CRACD: variants seen among roughly 807,000 people sequenced by gnomAD.
CRACD encodes the protein capping protein inhibiting regulator of actin dynamics, also known as capping protein-inhibiting regulator of actin dynamics.
Under a neutral mutation model 106.8 loss-of-function variants are expected in CRACD, and 56 were observed. The observed-to-expected ratio is 0.52, with a 90% CI of 0.42 to 0.66. The LOEUF is 0.66. CRACD is among the 30% of genes least tolerant of loss of function. The pLI is 0.00. For synonymous variants in CRACD, 754 were observed against 670.8 expected (o/e 1.12, Z -1.92); for missense variants, 1,730 against 1,623.2 (o/e 1.07, Z -1.13).
At position 56,314,157 on chromosome 4, in the gene CRACD, G is replaced by C. The variant is rs1183078360; in HGVS notation, c.655G>C (p.Glu219Gln). 1.2e-6 allele frequency: 2 copies of C among 1,614,064 alleles called. No homozygotes were observed. The highest frequency in any genetic ancestry group is 1.7e-5 in the Admixed American group (1 of 59,996). ...GGAACCCAATCCGCTGGATTCCGAG[G>C]AAGAGAGAAGACGCCAAGAAGACTA... ...EEEPNPLDSE[E>Q]ERRRQEDYWR... Residue 219 changes from glutamate to glutamine, a missense_variant, in exon 8 of 11, where the codon GAA becomes CAA. Physicochemically the swap from Glu to Gln is conservative, Grantham distance 29. Transcript: ENST00000682029. This position sits in a 1 kb window ranked among gnomAD's most constrained non-coding sequence, Gnocchi z 4.4.
chr4:56,212,821 A>G (rs1738476395), intron 2 of CRACD, among the ~76,000 whole-genome samples: 1 of 152,184 alleles, frequency 6.6e-6, no homozygotes, highest in Admixed American at 6.6e-5. Context: ...ACCCAGTTAG[A>G]TATCTAAGGC....
intron 3 of CRACD, among the ~76,000 whole-genome samples, chr4:56,291,215 C>T (rs1237138655): frequency 6.6e-6 from 1 of 152,182 alleles, no homozygotes; most frequent in Admixed American, 6.5e-5. Context: ...TGAAAGGCCC[C>T]TCTCTCTTGG....
chr4:56,220,673 G>C (rs1180758375), intron 2 of CRACD, among the ~76,000 whole-genome samples: 1 of 151,988 alleles, frequency 6.6e-6, no homozygotes, highest in Non-Finnish European at 1.5e-5. Flanking sequence ...TTTGGGGAAG[G>C]GGTTGGGTTG....
At chr4:56,190,449 G>T (rs991488303) in intron 2 of CRACD, among the ~76,000 whole-genome samples, 2 of 152,172 alleles carry the variant, frequency 1.3e-5, no homozygotes, top group Non-Finnish European at 2.9e-5. Context: ...GTGTAAAAGT[G>T]TTCCTATTTC....
chr4:56,212,759 G>A (rs370342351), intron 2 of CRACD, among the ~76,000 whole-genome samples: 30 of 152,276 alleles, frequency 2.0e-4, no homozygotes, highest in Middle Eastern at 6.8e-3. Context: ...GATTTCCAAA[G>A]CCTAAGTTTG....
rs1289425296 is a variant in CRACD at position 56,163,240 on chromosome 4, A to G, written c.-335-16044A>G. The stretch of plus-strand genomic sequence containing the variant: ...AGAGTAAGACATTTAACCTCTGACA[A>G]TGACTCAATTTTAAAGCTATAAATA... On this transcript the variant is annotated intron_variant, in intron 1 of 10. Transcript: ENST00000682029. Among the ~76,000 whole-genome samples, 5 of 152,182 alleles carry G rather than the reference A, an allele frequency of 3.3e-5. No individual in the cohort carries two copies. In the East Asian group the frequency reaches 5.8e-4, roughly 18 times the overall value.
intron 1 of CRACD, among the ~76,000 whole-genome samples, chr4:56,171,062 AAG>A (rs1199960948): frequency 2.0e-5 from 3 of 152,166 alleles, no homozygotes; most frequent in African/African-American, 7.2e-5. Flanking sequence ...CATTCAAAGA[AAG>A]AAACAAATAA....
intron 1 of CRACD, among the ~76,000 whole-genome samples, chr4:56,092,735 G>A (rs1029106531): frequency 1.3e-5 from 2 of 152,008 alleles, no homozygotes; most frequent in African/African-American, 4.8e-5. Flanking sequence ...CCCGGTAGCT[G>A]AGACTACAGA....
rs544615298 is a variant in CRACD at position 56,249,500 on chromosome 4, G to A, written c.-188-22821G>A. On this transcript the variant is annotated intron_variant, in intron 2 of 10. Coordinates refer to ENST00000682029, the MANE Select transcript of CRACD (RefSeq NM_001393381.1). ...GCCCTTTGTCAGATGAGTAGGTTGC[G>A]AAAATTTTCTCCCATTTTGTAGGTT... is the stretch of plus-strand genomic sequence containing the variant. 1.3e-4 allele frequency among the ~76,000 whole-genome samples: 19 copies of A among 151,712 alleles called. No homozygotes were observed. The East Asian group carries it at 3.1e-3, about 25-fold the overall frequency.
At chr4:56,277,596 G>C (rs1316312196) in intron 3 of CRACD, among the ~76,000 whole-genome samples, 1 of 152,092 alleles carries the variant, frequency 6.6e-6, no homozygotes, top group Admixed American at 6.6e-5. Context: ...CAAAACAAGG[G>C]TTTCTTATCT....
chr4:56,246,313 G>A (rs924998263), intron 2 of CRACD, among the ~76,000 whole-genome samples: 1 of 152,066 alleles, frequency 6.6e-6, no homozygotes, highest in Admixed American at 6.6e-5. Flanking sequence ...ATATCTTCAC[G>A]TGGGGCCTTA....
chr4:56,100,910 C>A (rs1461643324), intron 1 of CRACD, among the ~76,000 whole-genome samples: 1 of 152,128 alleles, frequency 6.6e-6, no homozygotes, highest in Non-Finnish European at 1.5e-5. Context: ...AGAATGAAAA[C>A]AAGATTTTAG....
At chr4:56,120,193 A>G (rs1410027628) in intron 1 of CRACD, among the ~76,000 whole-genome samples, 1 of 152,192 alleles carries the variant, frequency 6.6e-6, no homozygotes, top group Non-Finnish European at 1.5e-5. Context: ...TTGGGAGCTT[A>G]CTTTGAACTG....
intron 1 of CRACD, among the ~76,000 whole-genome samples, chr4:56,057,145 T>C (rs1023153748): frequency 6.6e-6 from 1 of 152,222 alleles, no homozygotes; most frequent in African/African-American, 2.4e-5. Context: ...GCTTGCATTA[T>C]GTTTCTGTTG....
rs770318686 is a variant in CRACD at position 56,315,813 on chromosome 4, A to G, written c.2311A>G (p.Lys771Glu). 2 of 1,614,086 alleles carry G rather than the reference A, an allele frequency of 1.2e-6. No homozygotes were observed. The highest frequency in any genetic ancestry group is 2.7e-5 in the African/African-American group (2 of 74,946). ...TCCTGCTGGTGTTCGCGAGCTCGGG[A>G]AGGGTCCGGAGAAGTCGGAGATGCA... Reference protein sequence around the residue: ...PPPAGVRELGKGPEKSEMHRE... With the variant: ...PPPAGVRELGEGPEKSEMHRE... The change falls in exon 8 of 11, where the codon AAG (lysine) becomes GAG (glutamate). Residue 771 changes from lysine to glutamate, a missense_variant. Physicochemically the swap from Lys to Glu is moderately conservative, Grantham distance 56 (BLOSUM62 1). Coordinates refer to ENST00000682029, the MANE Select transcript of CRACD (RefSeq NM_001393381.1). The surrounding 1 kb of genome is among the most constrained non-coding windows in gnomAD (Gnocchi z 4.1).
intron 3 of CRACD, among the ~76,000 whole-genome samples, chr4:56,274,826 G>A (rs539547828): frequency 8.5e-5 from 13 of 152,260 alleles, no homozygotes; most frequent in African/African-American, 2.2e-4. Context: ...AAAGCCACAC[G>A]CATGCAAATG....
intron 2 of CRACD, among the ~76,000 whole-genome samples, chr4:56,213,334 C>T (rs1738503647): frequency 6.6e-6 from 1 of 152,026 alleles, no homozygotes; most frequent in Non-Finnish European, 1.5e-5. Flanking sequence ...TAATCCCAGC[C>T]ACTCAGGAGG....
intron 3 of CRACD, among the ~76,000 whole-genome samples, chr4:56,274,788 C>T (rs1258505358): frequency 6.6e-6 from 1 of 152,056 alleles, no homozygotes; most frequent in Non-Finnish European, 1.5e-5. Flanking sequence ...TGGGTATATG[C>T]CCAGAGGAGT....
At chr4:56,136,367 C>A (rs926519279) in intron 1 of CRACD, among the ~76,000 whole-genome samples, 4 of 152,186 alleles carry the variant, frequency 2.6e-5, no homozygotes, top group Non-Finnish European at 5.9e-5. Flanking sequence ...TGCCATTACA[C>A]ATTCTCACTA....
Sources: allele counts gnomAD v4.1 joint callset (sites outside exome capture counted in the v4.1 genomes callset), GRCh38; gene constraint gnomAD v4.1.1; non-coding constraint Gnocchi (gnomAD v3.1); transcripts MANE v1.5; gene names NCBI Gene and HGNC (gene_info 2026-07-23, HGNC 2026-07-21).